The following DIPK1B variants were observed in gnomAD, a reference collection of about 807,000 sequenced individuals.
The protein encoded by DIPK1B is divergent protein kinase domain 1B, also known as family with sequence similarity 69 member B.
In DIPK1B, 17 loss-of-function variants were observed where a neutral mutation model predicts 20.7. That is an observed-to-expected ratio of 0.82 (90% CI 0.56 to 1.23). DIPK1B has a LOEUF of 1.23. DIPK1B is among the 50% of genes most tolerant of loss of function. DIPK1B has a pLI of 0.00. For synonymous variants in DIPK1B, 343 were observed against 276.5 expected (o/e 1.24, Z -2.39); for missense variants, 648 against 601.8 (o/e 1.08, Z -0.80).
chr9:136,721,825 A>G, intron 2 of DIPK1B, 96 bp from the exon 3 acceptor site: 1 of 1,070,156 alleles, frequency 9.3e-7, no homozygotes, highest in Non-Finnish European at 1.4e-6. Context: ...AACTGCAGCA[A>G]GTGGAGGCCC....
chr9:136,722,814 C>T (rs891032964), intron 4 of DIPK1B, 148 bp from the exon 5 acceptor site: 37 of 761,630 alleles, frequency 4.9e-5, no homozygotes, highest in Non-Finnish European at 6.4e-5. Flanking sequence ...GTCCTCCACC[C>T]GTGTAGCTGT....
intron 2 of DIPK1B, among the ~76,000 whole-genome samples, chr9:136,718,955 C>T (rs754306509): frequency 3.0e-4 from 45 of 152,084 alleles, no homozygotes; most frequent in Non-Finnish European, 4.0e-4. Flanking sequence ...GGGAGGCCTC[C>T]GGGCCCCTGG....
Position 136,723,726 on chromosome 9 carries a change from C to T in DIPK1B, c.1248C>T (p.His416=), listed in dbSNP as rs759317314. Residue 416 remains histidine, a synonymous_variant, in exon 5 of 5, where the codon CAC becomes CAT. Coordinates refer to ENST00000371692, the MANE Select transcript of DIPK1B (RefSeq NM_152421.4). ...CCCATCACTCGCTGGTGCTCAGCCACCTCAAGACTCTGCTCTGGAAGAAGA... is the reference window on the plus strand; with the variant it reads ...CCCATCACTCGCTGGTGCTCAGCCATCTCAAGACTCTGCTCTGGAAGAAGA... ...VEAHHSLVLS[H]LKTLLWKKIS... 5.2e-6 allele frequency: 8 copies of T among 1,535,910 alleles called. No individual in the cohort carries two copies. In the African/African-American group the frequency reaches 1.1e-4, roughly 21 times the overall value.
chr9:136,717,550 C>G, intron 1 of DIPK1B, 27 bp from the exon 2 acceptor site: 1 of 1,592,802 alleles, frequency 6.3e-7, no homozygotes, highest in African/African-American at 1.3e-5. Context: ...CCGAGGGCAC[C>G]TCCTCACGCA....
At chr9:136,717,533 G>A in intron 1 of DIPK1B, 44 bp from the exon 2 acceptor site, 1 of 1,580,848 alleles carries the variant, frequency 6.3e-7, no homozygotes, top group East Asian at 2.3e-5. Flanking sequence ...CCCTGAGCCT[G>A]GGTGCCCCGA....
chr9:136,717,165 G>A lies in DIPK1B; in HGVS notation c.64-412G>A, dbSNP rs536185567. Among the ~76,000 whole-genome samples the A allele has an allele frequency of 1.4e-4, 22 of 151,812 alleles. No individual in the cohort carries two copies. The East Asian group carries it at 4.1e-3, about 28-fold the overall frequency. On this transcript the variant is annotated intron_variant, in intron 1 of 4. Coordinates refer to ENST00000371692, the MANE Select transcript of DIPK1B (RefSeq NM_152421.4). ...AATCACTTGAACCCGGGAGGCAGAG[G>A]TTGCAGTGAGCCGAGATCGCGCCAC...
intron 1 of DIPK1B, among the ~76,000 whole-genome samples, chr9:136,715,193 G>A (rs1377941388): frequency 2.0e-5 from 3 of 152,252 alleles, no homozygotes; most frequent in Non-Finnish European, 2.9e-5. Context: ...CCAAGCCTGG[G>A]CCCTTCACCC....
rs929674403 is a variant in DIPK1B at position 136,723,349 on chromosome 9, G to A, written c.871G>A (p.Gly291Arg). 31 of 1,613,240 alleles carry A rather than the reference G, an allele frequency of 1.9e-5. No individual in the cohort carries two copies. Among genetic ancestry groups the A allele is most frequent in the Middle Eastern group, 1.6e-4 (1 of 6,084 alleles). Residue 291 changes from glycine (G) to arginine (R), a missense_variant, in exon 5 of 5, where the codon GGG becomes AGG. Physicochemically the swap from Gly to Arg is moderately radical, Grantham distance 125. Coordinates refer to ENST00000371692, the MANE Select transcript of DIPK1B (RefSeq NM_152421.4). ...GGAGGAGCTCTTCCACGGCTCTTAC[G>A]GGACTTTCTACATGTGTGAGACCAC... ...FVEELFHGSY[G>R]TFYMCETTLA...
chr9:136,718,126 ACTGGTCCAGGATAGCG>A (rs1846528732), intron 2 of DIPK1B, among the ~76,000 whole-genome samples: 2 of 28,622 alleles, frequency 7.0e-5, no homozygotes, highest in Non-Finnish European at 9.3e-5. Flanking sequence ...TGCTGGCCTC[ACTGGTCCAGGATAGCG>A]ACCCCCGTGT....
At chr9:136,720,238 C>T (rs1554757671) in intron 2 of DIPK1B, among the ~76,000 whole-genome samples, 4 of 151,932 alleles carry the variant, frequency 2.6e-5, no homozygotes, top group South Asian at 2.1e-4. Flanking sequence ...GACGAAGAGC[C>T]GGCGTTTTCT....
chr9:136,721,839 C>G, intron 2 of DIPK1B, 82 bp from the exon 3 acceptor site: 1 of 1,290,518 alleles, frequency 7.7e-7, no homozygotes, highest in Non-Finnish European at 1.1e-6. Flanking sequence ...GAGGCCCCTG[C>G]CAGCTTCGGG....
intron 1 of DIPK1B, among the ~76,000 whole-genome samples, chr9:136,714,699 C>G (rs1208768502): frequency 6.6e-6 from 1 of 152,246 alleles, no homozygotes; most frequent in Non-Finnish European, 1.5e-5. Context: ...GACAAGTGGT[C>G]TGAGGGGGCG....
chr9:136,722,494 G>A, intron 4 of DIPK1B, 193 bp downstream of exon 4: 2 of 705,980 alleles, frequency 2.8e-6, no homozygotes, highest in Non-Finnish European at 4.6e-6. Context: ...TGGGGGCAAG[G>A]GTTGGGGGCG....
intron 2 of DIPK1B, 89 bp downstream of exon 2, chr9:136,717,800 C>T (rs1846521756): frequency 2.5e-6 from 4 of 1,573,306 alleles, no homozygotes; most frequent in Non-Finnish European, 3.4e-6. Context: ...CACCTTCCTC[C>T]CCAGACCCAG....
At chr9:136,721,822 G>GC (rs1384814757) in intron 2 of DIPK1B, 99 bp from the exon 3 acceptor site, 2 of 1,038,904 alleles carry the variant, frequency 1.9e-6, no homozygotes, top group Non-Finnish European at 2.8e-6. Context: ...TCCAACTGCA[G>GC]CAAGTGGAGG....
intron 1 of DIPK1B, among the ~76,000 whole-genome samples, chr9:136,713,677 C>T (rs750967274): frequency 6.6e-6 from 1 of 152,210 alleles, no homozygotes; most frequent in South Asian, 2.1e-4. Context: ...TCCCCTCCCC[C>T]GAGGAAAGGC....
In DIPK1B at chr9:136,723,816, A is replaced by G. The variant is rs777712279; in HGVS notation, c.*42A>G. 8 of 1,516,222 alleles carry G rather than the reference A, an allele frequency of 5.3e-6. No individual in the cohort carries two copies. The highest frequency in any genetic ancestry group is 7.1e-6 in the Non-Finnish European group (8 of 1,133,720). The allele number at this position is 1,516,222 out of a possible 1,614,324, so 93.9% of individuals were successfully genotyped here. On this transcript the variant is annotated 3_prime_UTR_variant, in exon 5 of 5. Coordinates refer to ENST00000371692, the MANE Select transcript of DIPK1B (RefSeq NM_152421.4). ...CTGGCCACCCTTCCTGGAGCTGGCC[A>G]GGTGCCAGGGTCCAACCCTCCCTCA...
intron 1 of DIPK1B, among the ~76,000 whole-genome samples, chr9:136,713,188 C>T (rs2131038315): frequency 6.6e-6 from 1 of 152,112 alleles, no homozygotes; most frequent in Admixed American, 6.5e-5. Context: ...GACCTTGAAC[C>T]ACCGTCCCCT....
At position 136,723,382 on chromosome 9, in the gene DIPK1B, A is replaced by G; in HGVS notation, c.904A>G (p.Asn302Asp). Residue 302 changes from asparagine (N) to aspartate (D), a missense_variant, in exon 5 of 5, where the codon AAC becomes GAC. Transcript: ENST00000371692. ...CTACATGTGTGAGACCACACTGGCCAACGTGGGCTACACAGCCACCTACGA... is the reference window on the plus strand; with the variant it reads ...CTACATGTGTGAGACCACACTGGCCGACGTGGGCTACACAGCCACCTACGA... ...TFYMCETTLA[N>D]VGYTATYDFK... is the part of the protein sequence containing the mutation. The G allele has an allele frequency of 6.2e-7, 1 of 1,613,284 alleles. No homozygotes were observed. Among genetic ancestry groups the G allele is most frequent in the East Asian group, 2.2e-5 (1 of 44,866 alleles).
Sources: gnomAD v4.1 joint callset for allele counts (sites outside exome capture counted in the v4.1 genomes callset) on GRCh38, gnomAD v4.1.1 for gene constraint, MANE v1.5 for transcripts, NCBI Gene and HGNC (gene_info 2026-07-23, HGNC 2026-07-21) for gene names.